Variants in UTS2B observed in about 807,000 individuals in gnomAD.
The protein encoded by UTS2B is urotensin 2B.
In UTS2B, 21 loss-of-function variants were observed where a neutral mutation model predicts 19.2. That is an observed-to-expected ratio of 1.09 (90% confidence interval 0.78 to 1.58). UTS2B has a LOEUF of 1.58. Among genes scored for constraint, UTS2B ranks in the 40% most tolerant of loss-of-function variants. The pLI, the probability that UTS2B is intolerant of heterozygous loss-of-function variation, is 0.00. For missense variants in UTS2B, 138 were observed against 130.3 expected (o/e 1.06, Z -0.29); for synonymous variants, 57 against 50.2 (o/e 1.14, Z -0.58).
intron 3 of UTS2B, among the ~76,000 whole-genome samples, chr3:191,310,437 A>G (rs1717267509): frequency 6.6e-6 from 1 of 152,230 alleles, no homozygotes; most frequent in Admixed American, 6.5e-5. Flanking sequence ...AAGATTAATG[A>G]TCCCTAAGCT....
chr3:191,334,158 T>TG (rs566529466), upstream of UTS2B, among the ~76,000 whole-genome samples: 927 of 152,262 alleles, frequency 6.1e-3, 4 homozygotes, highest in Non-Finnish European at 0.01. Context: ...CCACATGTTG[T>TG]GTTGAGGGTA....
chr3:191,274,106 A>G (rs1716166441), intron 8 of UTS2B, among the ~76,000 whole-genome samples: 1 of 151,864 alleles, frequency 6.6e-6, no homozygotes, highest in Admixed American at 6.6e-5. Context: ...CAAAGAAAAA[A>G]AAAAAGCCAC....
intron 2 of UTS2B, among the ~76,000 whole-genome samples, chr3:191,327,484 A>C (rs1288258753): frequency 6.6e-5 from 10 of 152,232 alleles, no homozygotes; most frequent in Non-Finnish European, 1.0e-4. Context: ...CTAGGCCTGA[A>C]GGGACACTGG....
intron 4 of UTS2B, 110 bp from the exon 5 acceptor site, chr3:191,282,423 T>C: frequency 2.4e-6 from 1 of 422,128 alleles, no homozygotes. Context: ...ATGGAGTCAA[T>C]GGCAGGAAGA....
chr3:191,343,538 G>A, the UTS2B span, among the ~76,000 whole-genome samples: 2 of 152,154 alleles, frequency 1.3e-5, no homozygotes, highest in Non-Finnish European at 2.9e-5. Flanking sequence ...TTTAAAAACA[G>A]CAGAAGTGCT....
chr3:191,274,817 TC>T (rs1307165331), intron 8 of UTS2B, among the ~76,000 whole-genome samples: 2 of 152,062 alleles, frequency 1.3e-5, no homozygotes, highest in African/African-American at 4.8e-5. Flanking sequence ...AAAAGCATAA[TC>T]CAAAAAAGTA....
chr3:191,282,226 CTTTCCAGGTCAAGATGGATA>C lies in UTS2B; in HGVS notation c.-57_-38del. The C allele has an allele frequency of 6.7e-7, 1 of 1,494,052 alleles. No individual in the cohort carries two copies. Among genetic ancestry groups the C allele is most frequent in the South Asian group, 1.2e-5 (1 of 84,928 alleles). The allele number at this position is 1,494,052 out of a possible 1,614,324, so 92.5% of individuals were successfully genotyped here. ...CCTTCTGGACTAGCAAAGAAACAGACTTTCCAGGTCAAGATGGATATTTCTATAGCTTTGGAATTCAGTAG... is the reference window on the plus strand; with the variant it reads ...CCTTCTGGACTAGCAAAGAAACAGACTTTCTATAGCTTTGGAATTCAGTAG... On this transcript the variant is annotated 5_prime_UTR_variant, in exon 5 of 9. Transcript: ENST00000340524.
chr3:191,335,230 C>T (rs565336095), upstream of UTS2B, among the ~76,000 whole-genome samples: 17 of 152,224 alleles, frequency 1.1e-4, no homozygotes, highest in African/African-American at 4.1e-4. Context: ...CTTGAAATCC[C>T]AGTTCTCCAA....
intron 4 of UTS2B, among the ~76,000 whole-genome samples, chr3:191,292,980 G>A (rs929002880): frequency 2.0e-5 from 3 of 151,888 alleles, no homozygotes; most frequent in Admixed American, 6.6e-5. Flanking sequence ...TCCAGCCTGG[G>A]CAACAGAGAA....
intron 3 of UTS2B, among the ~76,000 whole-genome samples, chr3:191,315,170 G>T (rs886069255): frequency 2.0e-5 from 3 of 151,974 alleles, no homozygotes; most frequent in African/African-American, 7.3e-5. Flanking sequence ...CTGCCACCAT[G>T]CCCAGACAAT....
chr3:191,272,825 T>G (rs1716126447), intron 8 of UTS2B, among the ~76,000 whole-genome samples: 1 of 141,142 alleles, frequency 7.1e-6, no homozygotes, highest in African/African-American at 2.7e-5. Context: ...AGCGTGCCAT[T>G]GCACTCCAGC....
chr3:191,301,542 A>G (rs1716999838), intron 4 of UTS2B, among the ~76,000 whole-genome samples: 1 of 134,782 alleles, frequency 7.4e-6, no homozygotes. Context: ...GCTGGAGTGC[A>G]GTGGTGTGAT....
chr3:191,267,621 A>T lies in UTS2B; in HGVS notation c.*795T>A, dbSNP rs1374064747. ...TCCCATGGTGCCAACAATGCACTGG[A>T]TATACCAGCATTTATTATTAAGTTT... is the stretch of plus-strand genomic sequence containing the variant. On this transcript the variant is annotated 3_prime_UTR_variant, in exon 9 of 9. Transcript: ENST00000340524. 6.6e-6 allele frequency: 1 copy of T among 152,230 alleles called. No individual in the cohort carries two copies. The highest frequency in any genetic ancestry group is 1.5e-5 in the Non-Finnish European group (1 of 68,036). 9.4% of individuals were successfully genotyped at this position (152,230 alleles called of 1,614,324 possible). A position where few individuals can be genotyped will look rare whatever the true frequency, so the allele number is the denominator to read the frequency against.
At chr3:191,292,969 C>G (rs1466377541) in intron 4 of UTS2B, among the ~76,000 whole-genome samples, 1 of 151,820 alleles carries the variant, frequency 6.6e-6, no homozygotes, top group East Asian at 1.9e-4. Context: ...GCACACTGCG[C>G]TCCAGCCTGG....
intron 4 of UTS2B, among the ~76,000 whole-genome samples, chr3:191,298,784 C>A (rs1716921427): frequency 6.6e-6 from 1 of 152,082 alleles, no homozygotes; most frequent in African/African-American, 2.4e-5. Context: ...AAACTTGGCA[C>A]TTCATAGAGA....
At chr3:191,338,786 T>G in the UTS2B span, among the ~76,000 whole-genome samples, 1 of 152,212 alleles carries the variant, frequency 6.6e-6, no homozygotes, top group African/African-American at 2.4e-5. Flanking sequence ...TTGATTGGTG[T>G]TGTGATTGAC....
intron 8 of UTS2B, chr3:191,273,515 T>C (rs760914947): frequency 2.2e-6 from 1 of 456,734 alleles, no homozygotes; most frequent in Admixed American, 2.3e-5. Context: ...CTCTTCTGTT[T>C]TGGCAATGTT....
intron 4 of UTS2B, among the ~76,000 whole-genome samples, chr3:191,300,548 T>C (rs1716970623): frequency 6.6e-6 from 1 of 152,214 alleles, no homozygotes. Flanking sequence ...CTTGGGGGAC[T>C]GCTGAGAAGG....
At chr3:191,319,523 T>A (rs1400663503) in intron 2 of UTS2B, among the ~76,000 whole-genome samples, 1 of 152,180 alleles carries the variant, frequency 6.6e-6, no homozygotes, top group East Asian at 1.9e-4. Context: ...TTACACCTTC[T>A]GTCTATTAAG....
Sources: gnomAD v4.1 joint callset for allele counts (sites outside exome capture counted in the v4.1 genomes callset) on GRCh38, gnomAD v4.1.1 for gene constraint, MANE v1.5 for transcripts, NCBI Gene and HGNC (gene_info 2026-07-23, HGNC 2026-07-21) for gene names.